The following APC2 variants were observed in gnomAD, a reference collection of about 807,000 sequenced individuals.
The protein encoded by APC2 is adenomatous polyposis coli protein 2.
A neutral mutation model predicts 72.5 loss-of-function variants in APC2; 41 were observed. The observed-to-expected ratio is 0.57, with a 90% confidence interval of 0.44 to 0.73. The LOEUF is 0.73. APC2 is among the 30% of genes least tolerant of loss of function. The pLI is 0.00. For synonymous variants in APC2, 1,898 were observed against 1,612.0 expected (o/e 1.18, Z -4.25); for missense variants, 3,729 against 3,403.4 (o/e 1.10, Z -2.38).
At position 1,465,636 on chromosome 19, in the gene APC2, G is replaced by T; in HGVS notation, c.2335G>T (p.Asp779Tyr). 1 of 1,603,464 alleles carries T rather than the reference G, an allele frequency of 6.2e-7. No individual in the cohort carries two copies. Residue 779 changes from aspartate (D) to tyrosine (Y), a missense_variant, in exon 15 of 15, where the codon GAC (aspartate) becomes TAC (tyrosine). By Grantham distance (160) the Asp-to-Tyr change is radical. Transcript: ENST00000590469. ...CTATGCTTCCGATTCGGGCTGCTTT[G>T]ACGACGACGATGCACCGTCATCCCT... ...QDYASDSGCF[D>Y]DDDAPSSLAA...
chr19:1,456,547 C>T, intron 8 of APC2, 143 bp downstream of exon 8: 1 of 928,750 alleles, frequency 1.1e-6, no homozygotes, highest in South Asian at 1.7e-5. Flanking sequence ...TGGCGTGCAG[C>T]TCATGCAGAA....
intron 4 of APC2, 68 bp downstream of exon 4, chr19:1,453,679 T>G (rs937726491): frequency 4.5e-5 from 69 of 1,527,620 alleles, no homozygotes; most frequent in Non-Finnish European, 5.6e-5. Context: ...GGCTCTGCCC[T>G]CTAATTCGCC....
upstream of APC2, among the ~76,000 whole-genome samples, chr19:1,449,896 A>G (rs2083721835): frequency 6.6e-6 from 1 of 152,212 alleles, no homozygotes; most frequent in Non-Finnish European, 1.5e-5. Flanking sequence ...CCTGCAATAA[A>G]GTGCGGGACA....
intron 10 of APC2, among the ~76,000 whole-genome samples, chr19:1,459,236 G>C (rs142808863): frequency 1.6e-3 from 247 of 152,058 alleles, no homozygotes; most frequent in African/African-American, 5.8e-3. Flanking sequence ...ACAGGGTCTT[G>C]CTCTGTTGCC....
Position 1,453,643 on chromosome 19 carries a change from G to T in APC2, c.413+32G>T, listed in dbSNP as rs202219160. On this transcript the variant is annotated intron_variant, in intron 4 of 14. Transcript: ENST00000590469. ...GGGCGTGGGAACCCAGCCTCGGGCAGCTGGAGCATGACTCGGTCCCCAGCG... is the reference window on the plus strand; with the variant it reads ...GGGCGTGGGAACCCAGCCTCGGGCATCTGGAGCATGACTCGGTCCCCAGCG... 6 of 1,568,432 alleles carry T rather than the reference G, an allele frequency of 3.8e-6. No homozygotes were observed. The East Asian group carries it at 1.4e-4, about 37-fold the overall frequency.
rs1458445494 is a variant in APC2, at chr19:1,470,137, C to T, written c.6836C>T (p.Pro2279Leu). ...CCCCCCTTCAACTATGTGCCCAGCC[C>T]CATGGTGGTCGCAGCCACCACCGAC... ...RVPPFNYVPS[P>L]MVVAATTDSA... Residue 2279 changes from proline to leucine, a missense_variant, in exon 15 of 15, where the codon CCC becomes CTC. Physicochemically the swap from Pro to Leu is moderately conservative, Grantham distance 98. Coordinates refer to ENST00000590469, the MANE Select transcript of APC2 (RefSeq NM_005883.3). 6.2e-7 allele frequency: 1 copy of T among 1,606,932 alleles called. No homozygotes were observed. Among genetic ancestry groups the T allele is most frequent in the Admixed American group, 1.7e-5 (1 of 59,744 alleles).
rs150415479 is a variant in APC2 at position 1,458,840 on chromosome 19, C to T, written c.1303+780C>T. Among the ~76,000 whole-genome samples, 31 of 152,148 alleles carry T rather than the reference C, an allele frequency of 2.0e-4. No individual in the cohort carries two copies. The East Asian group carries it at 5.9e-3, about 29-fold the overall frequency. On this transcript the variant is annotated intron_variant, in intron 10 of 14. Coordinates refer to ENST00000590469, the MANE Select transcript of APC2 (RefSeq NM_005883.3). ...CTGGGATTACAGGTGCCCGCCCCCA[C>T]ACCTGACTAATTTTTGTATTTTTAG...
intron 10 of APC2, among the ~76,000 whole-genome samples, chr19:1,459,823 A>G (rs990201612): frequency 3.3e-5 from 5 of 152,120 alleles, no homozygotes; most frequent in Admixed American, 2.0e-4. Context: ...GGGGTGTATT[A>G]TTAGAGGACT....
intron 13 of APC2, 186 bp downstream of exon 13, chr19:1,461,339 C>G (rs2083919194): frequency 3.2e-6 from 2 of 616,756 alleles, no homozygotes; most frequent in Non-Finnish European, 5.8e-6. Flanking sequence ...CAAATGTGGG[C>G]TGGGCGCCGT....
intron 9 of APC2, 71 bp from the exon 10 acceptor site, chr19:1,457,894 G>A: frequency 7.5e-7 from 1 of 1,329,712 alleles, no homozygotes; most frequent in East Asian, 2.6e-5. Context: ...CGGGCGGGTT[G>A]CGGGACCTTC....
In APC2 at chr19:1,465,806, G is replaced by T; in HGVS notation, c.2505G>T (p.Gly835=). The change falls in exon 15 of 15, where the codon GGG becomes GGT. Residue 835 remains glycine (G), a synonymous_variant. Coordinates refer to ENST00000590469, the MANE Select transcript of APC2 (RefSeq NM_005883.3). The part of the protein sequence containing the change: ...GGKEAEKDTS[G]EAAVAAKAKA... ...AGGAGGCAGAGAAGGACACCAGTGG[G>T]GAGGCAGCCGTGGCGGCCAAGGCCA... 1 of 1,582,482 alleles carries T rather than the reference G, an allele frequency of 6.3e-7. No homozygotes were observed. The highest frequency in any genetic ancestry group is 8.6e-7 in the Non-Finnish European group (1 of 1,166,242).
At chr19:1,458,167 G>A in intron 10 of APC2, 107 bp downstream of exon 10, 1 of 1,051,232 alleles carries the variant, frequency 9.5e-7, no homozygotes, top group Non-Finnish European at 1.4e-6. Context: ...TTGGGCTGGG[G>A]ATTGGAGCCC....
chr19:1,463,375 A>C (rs1283424607), intron 14 of APC2, among the ~76,000 whole-genome samples: 1 of 149,558 alleles, frequency 6.7e-6, no homozygotes, highest in South Asian at 2.1e-4. Context: ...GTGAGATCAC[A>C]CCACTGCATT....
Position 1,457,038 on chromosome 19 carries a change from C to G in APC2, c.1002C>G (p.Ala334=). 6.5e-7 allele frequency: 1 copy of G among 1,527,186 alleles called. No homozygotes were observed. The highest frequency in any genetic ancestry group is 8.7e-7 in the Non-Finnish European group (1 of 1,143,962). 94.6% of individuals were successfully genotyped at this position (1,527,186 alleles called of 1,614,324 possible). A position where few individuals can be genotyped will look rare whatever the true frequency, so the allele number is the denominator to read the frequency against. ...TEAAAGGRAG[A]PGAPGAKDAR... is the part of the protein sequence containing the mutation. ...CCGCGGCCGGGGGTCGCGCCGGGGC[C>G]CCAGGGGCACCGGGCGCCAAGGACG... is the stretch of plus-strand genomic sequence containing the variant. The change falls in exon 9 of 15, where the codon GCC becomes GCG. Residue 334 remains alanine (A), a synonymous_variant. Coordinates refer to ENST00000590469, the MANE Select transcript of APC2 (RefSeq NM_005883.3).
rs2083726373 is a variant in APC2 at position 1,450,186 on chromosome 19, C to A, written c.-171C>A. The A allele has an allele frequency of 1.0e-6, 1 of 985,360 alleles. No individual in the cohort carries two copies. Among genetic ancestry groups the A allele is most frequent in the South Asian group, 4.7e-5 (1 of 21,292 alleles). 61.0% of individuals were successfully genotyped at this position (985,360 alleles called of 1,614,324 possible). On this transcript the variant is annotated 5_prime_UTR_variant, in exon 1 of 15. Coordinates refer to ENST00000590469, the MANE Select transcript of APC2 (RefSeq NM_005883.3). ...GCCCAGGCCCGGACCGGGCTTTGTC[C>A]GCCCCGGAGCCCCTGCCCGCGCCGC... is the stretch of plus-strand genomic sequence containing the variant.
Position 1,450,186 on chromosome 19 carries a change from C to T in APC2, c.-171C>T. 1.0e-6 allele frequency: 1 copy of T among 985,360 alleles called. No homozygotes were observed. Among genetic ancestry groups the T allele is most frequent in the Non-Finnish European group, 1.2e-6 (1 of 829,914 alleles). 61.0% of individuals were successfully genotyped at this position (985,360 alleles called of 1,614,324 possible). Reference sequence around the variant, plus strand: ...GCCCAGGCCCGGACCGGGCTTTGTCCGCCCCGGAGCCCCTGCCCGCGCCGC... The same window carrying T: ...GCCCAGGCCCGGACCGGGCTTTGTCTGCCCCGGAGCCCCTGCCCGCGCCGC... On this transcript the variant is annotated 5_prime_UTR_variant, in exon 1 of 15. Transcript: ENST00000590469.
rs2083760201 is a variant in APC2 at position 1,452,856 on chromosome 19, G to A, written c.-18-128G>A. The stretch of plus-strand genomic sequence containing the variant: ...GTACTTGTCCACACCAGTGACTCCT[G>A]CCTGAGACCCCCCCCAACCCAGGAT... On this transcript the variant is annotated intron_variant, in intron 1 of 14. Transcript: ENST00000590469. This position sits in a 1 kb window ranked among gnomAD's most constrained non-coding sequence, Gnocchi z 5.1. 10 of 1,208,238 alleles carry A rather than the reference G, an allele frequency of 8.3e-6. No homozygotes were observed. In the South Asian group the frequency reaches 1.5e-4, roughly 19 times the overall value. The allele number at this position is 1,208,238 out of a possible 1,614,324, so 74.8% of individuals were successfully genotyped here. A position where few individuals can be genotyped will look rare whatever the true frequency, so the allele number is the denominator to read the frequency against.
intron 9 of APC2, chr19:1,457,492 A>G (rs2083853206): frequency 7.0e-6 from 4 of 571,492 alleles, no homozygotes; most frequent in East Asian, 6.5e-5. Flanking sequence ...GTAACTCTGG[A>G]AAGTTGGGTG....
At position 1,468,404 on chromosome 19, in the gene APC2, C is replaced by T; in HGVS notation, c.5103C>T (p.His1701=). The part of the protein sequence containing the change: ...EGANSIVTWL[H]QAAAATREAS... Reference sequence around the variant, plus strand: ...CCAATTCAATTGTCACGTGGCTGCACCAGGCAGCAGCTGCCACGCGGGAGG... The same window carrying T: ...CCAATTCAATTGTCACGTGGCTGCATCAGGCAGCAGCTGCCACGCGGGAGG... The change falls in exon 15 of 15, where the codon CAC becomes CAT. Residue 1701 remains histidine (H), a synonymous_variant. Transcript: ENST00000590469. The T allele has an allele frequency of 1.3e-6, 2 of 1,589,416 alleles. No homozygotes were observed. The highest frequency in any genetic ancestry group is 1.7e-6 in the Non-Finnish European group (2 of 1,168,328).
Sources: gnomAD v4.1 joint callset for allele counts (sites outside exome capture counted in the v4.1 genomes callset) on GRCh38, gnomAD v4.1.1 for gene constraint, Gnocchi (gnomAD v3.1) non-coding constraint, MANE v1.5 for transcripts, NCBI Gene and HGNC (gene_info 2026-07-23, HGNC 2026-07-21) for gene names.